AKAP8L: variants seen among roughly 807,000 people sequenced by gnomAD.
AKAP8L encodes A-kinase anchoring protein 8 like.
AKAP8L carries 34 observed loss-of-function variants against 77.5 expected under a neutral mutation model. That is an observed-to-expected ratio of 0.44 (90% CI 0.33 to 0.58). The LOEUF (loss-of-function observed/expected upper bound fraction) is 0.58, where lower values mean the gene tolerates loss of function less well. Among genes scored for constraint, AKAP8L ranks in the 20% least tolerant of loss-of-function variants. The pLI is 0.02. For synonymous variants in AKAP8L, 342 were observed against 340.7 expected (o/e 1.00, Z -0.04); for missense variants, 806 against 887.6 (o/e 0.91, Z 1.17).
intron 2 of AKAP8L, among the ~76,000 whole-genome samples, chr19:15,408,312 C>A (rs1189603233): frequency 6.6e-6 from 1 of 150,634 alleles, no homozygotes; most frequent in Non-Finnish European, 1.5e-5. Flanking sequence ...CACCTGTAAT[C>A]CTAGCACTTT....
chr19:15,395,473 C>G (rs1967750992), intron 12 of AKAP8L, among the ~76,000 whole-genome samples: 1 of 151,368 alleles, frequency 6.6e-6, no homozygotes, highest in Non-Finnish European at 1.5e-5. Context: ...CGCCATCACG[C>G]CCAGCTAATT....
chr19:15,416,078 C>T (rs1308112175), intron 1 of AKAP8L, among the ~76,000 whole-genome samples: 6 of 151,802 alleles, frequency 4.0e-5, no homozygotes, highest in Non-Finnish European at 8.8e-5. Context: ...CTTCCTGCCT[C>T]GGCCTCCCAA....
Position 15,380,250 on chromosome 19 carries a change from G to A in AKAP8L, c.1813C>T (p.Pro605Ser). 1 of 1,497,604 alleles carries A rather than the reference G, an allele frequency of 6.7e-7. No homozygotes were observed. The highest frequency in any genetic ancestry group is 8.8e-7 in the Non-Finnish European group (1 of 1,133,958). 92.8% of individuals were successfully genotyped at this position (1,497,604 alleles called of 1,614,324 possible). ...TCCTCCTCCTCCTCTGGGGGCGGCGGCGGTGGCGGCGACACGGCCCCGGGG... is the reference window on the plus strand; with the variant it reads ...TCCTCCTCCTCCTCTGGGGGCGGCGACGGTGGCGGCGACACGGCCCCGGGG... ...PAPGAVSPPP[P>S]PPPEEEEEGA... Residue 605 changes from proline (P) to serine (S), a missense_variant, in exon 14 of 14, where the codon CCG (proline) becomes TCG (serine). By Grantham distance (74) the Pro-to-Ser change is moderately conservative. Transcript: ENST00000397410.
At chr19:15,408,169 G>C (rs1968036738) in intron 2 of AKAP8L, among the ~76,000 whole-genome samples, 1 of 151,914 alleles carries the variant, frequency 6.6e-6, no homozygotes, top group Admixed American at 6.6e-5. Flanking sequence ...ACGAAATTTA[G>C]ATGTACAGAC....
chr19:15,418,780 C>A, intron 1 of AKAP8L, 131 bp downstream of exon 1: 1 of 868,092 alleles, frequency 1.2e-6, no homozygotes, highest in Non-Finnish European at 1.8e-6. Context: ...GACGGGCCAG[C>A]GGCGCCATTT....
At chr19:15,410,478 C>T (rs1005299367) in intron 2 of AKAP8L, 42 bp downstream of exon 2, 3 of 1,516,824 alleles carry the variant, frequency 2.0e-6, no homozygotes, top group African/African-American at 1.4e-5. Context: ...CAAGGAACTG[C>T]TCTGCAGAAC....
At chr19:15,402,841 G>A (rs1967925530) in intron 4 of AKAP8L, among the ~76,000 whole-genome samples, 1 of 152,242 alleles carries the variant, frequency 6.6e-6, no homozygotes, top group South Asian at 2.1e-4. Flanking sequence ...ATGCTTTGGA[G>A]TAGGGCAGAT....
Position 15,401,534 on chromosome 19 carries a change from A to G in AKAP8L, c.432T>C (p.Tyr144=). The change falls in exon 5 of 14, where the codon TAT becomes TAC. Residue 144 remains tyrosine (Y), a synonymous_variant. Coordinates refer to ENST00000397410, the MANE Select transcript of AKAP8L (RefSeq NM_014371.4). This position sits in a 1 kb window ranked among gnomAD's most constrained non-coding sequence, Gnocchi z 6.2. The part of the protein sequence containing the change: ...LSERDLYRSG[Y]DYSELDPEME... Reference sequence around the variant, plus strand: ...TCTCAGGGTCAAGCTCGCTGTAGTCATAGCCTGACCGGTACAGGTCGCGCT... The same window carrying G: ...TCTCAGGGTCAAGCTCGCTGTAGTCGTAGCCTGACCGGTACAGGTCGCGCT... 6.2e-7 allele frequency: 1 copy of G among 1,613,692 alleles called. No individual in the cohort carries two copies. Among genetic ancestry groups the G allele is most frequent in the South Asian group, 1.1e-5 (1 of 91,054 alleles).
At position 15,391,188 on chromosome 19, in the gene AKAP8L, C is replaced by T. The variant is rs576702647; in HGVS notation, c.1536+5962G>A. On this transcript the variant is annotated intron_variant, in intron 12 of 13. Transcript: ENST00000397410. ...AATCCACTAAAAACTAGGTTGGGCA[C>T]GGTGGCTCATGCCTGTAATCCCAGC... Among the ~76,000 whole-genome samples the T allele has an allele frequency of 3.3e-5, 5 of 152,178 alleles. No homozygotes were observed. In the East Asian group the frequency reaches 7.7e-4, roughly 24 times the overall value.
intron 1 of AKAP8L, chr19:15,417,838 A>G (rs4809190): frequency 2.6e-5 from 4 of 152,112 alleles, no homozygotes; most frequent in East Asian, 3.9e-4. Flanking sequence ...CCTGGCCGAG[A>G]AGCCTCATCA....
chr19:15,408,765 G>C (rs781744082), intron 2 of AKAP8L, among the ~76,000 whole-genome samples: 5 of 150,974 alleles, frequency 3.3e-5, no homozygotes, highest in Middle Eastern at 3.2e-3. Context: ...GCAACTGCTC[G>C]GGAGGCTGAA....
intron 1 of AKAP8L, among the ~76,000 whole-genome samples, chr19:15,416,127 T>TAA (rs879285193): frequency 8.5e-5 from 12 of 141,774 alleles, no homozygotes; most frequent in African/African-American, 2.8e-4. Flanking sequence ...GTGCCTGATC[T>TAA]AAAAAAAAAA....
chr19:15,400,204 T>C (rs1170039256), intron 8 of AKAP8L, 91 bp downstream of exon 8: 2 of 1,372,446 alleles, frequency 1.5e-6, no homozygotes, highest in African/African-American at 2.9e-5. Context: ...ACTGGCCGCA[T>C]GTCTGCCGCA....
chr19:15,416,397 G>T (rs1968208451), intron 1 of AKAP8L, among the ~76,000 whole-genome samples: 1 of 152,160 alleles, frequency 6.6e-6, no homozygotes, highest in Non-Finnish European at 1.5e-5. Flanking sequence ...GGATCATTCA[G>T]TCTGGAGAAA....
At chr19:15,413,275 T>C (rs899225923) in intron 1 of AKAP8L, among the ~76,000 whole-genome samples, 16 of 152,260 alleles carry the variant, frequency 1.1e-4, no homozygotes, top group African/African-American at 3.9e-4. Context: ...TTTTCACCTG[T>C]AAGGACATTT....
rs143282984 is a variant in AKAP8L at position 15,412,686 on chromosome 19, C to T, written c.14-2092G>A. ...CCTTCTGAGTAGCTGGGACTACAGGCGCGTGCCACCATGTCCGGCTGATTT... is the reference window on the plus strand; with the variant it reads ...CCTTCTGAGTAGCTGGGACTACAGGTGCGTGCCACCATGTCCGGCTGATTT... On this transcript the variant is annotated intron_variant, in intron 1 of 13. Coordinates refer to ENST00000397410, the MANE Select transcript of AKAP8L (RefSeq NM_014371.4). 6.5e-3 allele frequency among the ~76,000 whole-genome samples: 984 copies of T among 152,238 alleles called. 9 individuals are homozygous for T. The highest frequency in any genetic ancestry group is 0.023 in the African/African-American group (938 of 41,534).
At chr19:15,408,871 CAAA>C (rs559627849) in intron 2 of AKAP8L, among the ~76,000 whole-genome samples, 8 of 68,080 alleles carry the variant, frequency 1.2e-4, no homozygotes, top group Admixed American at 3.3e-4. Context: ...GACTCTGTCT[CAAA>C]AAAAAAAAAA....
intron 1 of AKAP8L, among the ~76,000 whole-genome samples, chr19:15,412,006 G>A (rs555078343): frequency 4.2e-4 from 64 of 152,264 alleles, no homozygotes; most frequent in South Asian, 2.5e-3. Flanking sequence ...TTAGGAGTTC[G>A]AGATCAGCCT....
intron 12 of AKAP8L, among the ~76,000 whole-genome samples, chr19:15,393,305 C>A (rs1967702237): frequency 6.6e-6 from 1 of 151,946 alleles, no homozygotes; most frequent in South Asian, 2.1e-4. Flanking sequence ...GTTATGACAC[C>A]CAAAGCATAA....
Sources: allele counts gnomAD v4.1 joint callset (sites outside exome capture counted in the v4.1 genomes callset), GRCh38; gene constraint gnomAD v4.1.1; non-coding constraint Gnocchi (gnomAD v3.1); transcripts MANE v1.5; gene names NCBI Gene and HGNC (gene_info 2026-07-23, HGNC 2026-07-21).